Variants in MARK3 observed in about 807,000 individuals in gnomAD.
MARK3 encodes microtubule affinity regulating kinase 3, also known as MAP/microtubule affinity-regulating kinase 3.
A neutral mutation model predicts 90.1 loss-of-function variants in MARK3; 46 were observed. The ratio of observed to expected loss-of-function variants is 0.51; its 90% CI spans 0.40 to 0.65. MARK3 has a LOEUF of 0.65. Among genes scored for constraint, MARK3 ranks in the 30% least tolerant of loss-of-function variants. The pLI is 0.00. For missense variants in MARK3, 818 were observed against 947.2 expected (o/e 0.86, Z 1.79); for synonymous variants, 321 against 332.6 (o/e 0.97, Z 0.38).
chr14:103,386,590 C>T (rs1266755081), intron 1 of MARK3, among the ~76,000 whole-genome samples: 1 of 152,214 alleles, frequency 6.6e-6, no homozygotes, highest in East Asian at 1.9e-4. Context: ...TAAGTGTCCA[C>T]TGAGGGATCT....
rs1382599347 is a variant in MARK3, at chr14:103,400,971, GTGTGTGTGTGTA to G, written c.52-4102_52-4091del. ...TGTGTGTGTGTGTGTGTGTGTGTGT[GTGTGTGTGTGTA>G]TGCAGGTTGTTTATTGGCTCCTTAG... On this transcript the variant is annotated intron_variant, in intron 1 of 17. Coordinates refer to ENST00000429436, the MANE Select transcript of MARK3 (RefSeq NM_001128918.3). 6.0e-3 allele frequency among the ~76,000 whole-genome samples: 891 copies of G among 149,532 alleles called. 8 individuals are homozygous for G. The highest frequency in any genetic ancestry group is 0.021 in the African/African-American group (863 of 40,166).
chr14:103,436,782 T>G (rs1017583632), intron 3 of MARK3, among the ~76,000 whole-genome samples: 2 of 152,078 alleles, frequency 1.3e-5, no homozygotes, highest in African/African-American at 4.8e-5. Context: ...CCAGCCTGAT[T>G]ATACATATTT....
chr14:103,440,221 T>A (rs1428927699), intron 3 of MARK3, among the ~76,000 whole-genome samples: 3 of 152,274 alleles, frequency 2.0e-5, no homozygotes. Flanking sequence ...ATTCTGTGAT[T>A]CAGAGACATT....
At chr14:103,488,675 T>C (rs1044051736) in intron 14 of MARK3, among the ~76,000 whole-genome samples, 4 of 152,050 alleles carry the variant, frequency 2.6e-5, no homozygotes, top group Admixed American at 6.6e-5. Context: ...GCCATCATAG[T>C]GAGACACCAT....
intron 14 of MARK3, among the ~76,000 whole-genome samples, chr14:103,486,479 A>G (rs1248260838): frequency 6.6e-6 from 1 of 152,174 alleles, no homozygotes; most frequent in Non-Finnish European, 1.5e-5. Context: ...TACAGCTACT[A>G]TGAACCCACA....
chr14:103,406,938 A>C (rs2091335388), intron 2 of MARK3, among the ~76,000 whole-genome samples: 1 of 152,164 alleles, frequency 6.6e-6, no homozygotes, highest in Non-Finnish European at 1.5e-5. Context: ...GGTTCACGCC[A>C]TTCTCCTGCC....
chr14:103,427,451 G>A (rs545437804), intron 2 of MARK3, among the ~76,000 whole-genome samples: 4 of 128,084 alleles, frequency 3.1e-5, no homozygotes, highest in South Asian at 2.5e-4. Flanking sequence ...AATGAGCCGA[G>A]ATCATGTCAC....
intron 2 of MARK3, among the ~76,000 whole-genome samples, chr14:103,409,161 A>G (rs761876391): frequency 1.3e-5 from 2 of 152,160 alleles, no homozygotes; most frequent in Non-Finnish European, 2.9e-5. Flanking sequence ...TATGACTAGC[A>G]GAGTGGTTTA....
In MARK3 at chr14:103,480,392, C is replaced by T. The variant is rs781464923; in HGVS notation, c.1488C>T (p.Asn496=). 6.2e-7 allele frequency: 1 copy of T among 1,606,752 alleles called. No homozygotes were observed. The highest frequency in any genetic ancestry group is 8.5e-7 in the Non-Finnish European group (1 of 1,173,892). ...RKKSSTVPSS[N]TASGGMTRRN... ...AAAAATGCCCTTTTTTATAGAGTAA[C>T]ACAGCATCTGGTGGAATGACACGAC... is the stretch of plus-strand genomic sequence containing the variant. Residue 496 remains asparagine (N), a synonymous_variant, in exon 14 of 18, where the codon AAC becomes AAT. Coordinates refer to ENST00000429436, the MANE Select transcript of MARK3 (RefSeq NM_001128918.3).
intron 2 of MARK3, chr14:103,417,208 A>AG (rs374437702): frequency 0.97 from 147,009 of 152,192 alleles, 71,178 homozygotes; most frequent in East Asian, 1. Context: ...ACAACACCCC[A>AG]GGAGCATTGT....
chr14:103,410,432 C>T (rs549263002), intron 2 of MARK3, among the ~76,000 whole-genome samples: 87 of 152,268 alleles, frequency 5.7e-4, no homozygotes, highest in Admixed American at 3.0e-3. Context: ...AACCATAGCA[C>T]GTATGGACAA....
chr14:103,480,808 T>C (rs2093806035), intron 14 of MARK3, among the ~76,000 whole-genome samples: 1 of 152,180 alleles, frequency 6.6e-6, no homozygotes, highest in South Asian at 2.1e-4. Context: ...GAGATTGTCT[T>C]GTGCTCATTA....
intron 17 of MARK3, among the ~76,000 whole-genome samples, chr14:103,501,490 A>C (rs2075662400): frequency 6.6e-6 from 1 of 152,170 alleles, no homozygotes; most frequent in Admixed American, 6.5e-5. Context: ...TATGCCACAG[A>C]CACATCCTGT....
chr14:103,465,955 T>G lies in MARK3; in HGVS notation c.778-17T>G. On this transcript the variant is annotated splice_polypyrimidine_tract_variant and intron_variant, in intron 8 of 17. Transcript: ENST00000429436. ...AGGTTGACTTACTCGTTTTCTTTCC[T>G]CTGTACCTCTCCAAAGGAACTGAGA... The G allele has an allele frequency of 1.9e-6, 3 of 1,608,580 alleles. No individual in the cohort carries two copies. Among genetic ancestry groups the G allele is most frequent in the African/African-American group, 2.7e-5 (2 of 74,710 alleles).
intron 17 of MARK3, among the ~76,000 whole-genome samples, chr14:103,500,845 C>T (rs192345090): frequency 1.3e-5 from 2 of 152,192 alleles, no homozygotes; most frequent in East Asian, 3.9e-4. Context: ...TGGTCTCAAA[C>T]TCCTAGGCTC....
At chr14:103,495,709 C>T (rs1436409528) in intron 15 of MARK3, among the ~76,000 whole-genome samples, 2 of 152,286 alleles carry the variant, frequency 1.3e-5, no homozygotes, top group African/African-American at 4.8e-5. Flanking sequence ...CAGATTTTTG[C>T]AGAAAGATAG....
intron 5 of MARK3, among the ~76,000 whole-genome samples, chr14:103,456,306 C>A (rs1030466965): frequency 6.6e-6 from 1 of 152,196 alleles, no homozygotes; most frequent in African/African-American, 2.4e-5. Flanking sequence ...AGCCAGTGAT[C>A]CTTTTAAGAG....
intron 6 of MARK3, among the ~76,000 whole-genome samples, chr14:103,461,131 T>A (rs1438804724): frequency 6.6e-6 from 1 of 152,216 alleles, no homozygotes; most frequent in Non-Finnish European, 1.5e-5. Flanking sequence ...AGCTAAGAGT[T>A]GATGATGATT....
chr14:103,395,344 A>T (rs866587672), intron 1 of MARK3, among the ~76,000 whole-genome samples: 48 of 137,768 alleles, frequency 3.5e-4, no homozygotes, highest in Admixed American at 2.1e-3. Context: ...TTTTTTTTTT[A>T]AATCAAAAGA....
Sources: gnomAD v4.1 joint callset for allele counts (sites outside exome capture counted in the v4.1 genomes callset) on GRCh38, gnomAD v4.1.1 for gene constraint, MANE v1.5 for transcripts, NCBI Gene and HGNC (gene_info 2026-07-23, HGNC 2026-07-21) for gene names.